MCM5: variants seen among roughly 807,000 people sequenced by gnomAD.
MCM5 encodes the protein minichromosome maintenance complex component 5.
In MCM5, 46 loss-of-function variants were observed where a neutral mutation model predicts 79.9. The ratio of observed to expected loss-of-function variants is 0.58; its 90% CI spans 0.45 to 0.74. The LOEUF (loss-of-function observed/expected upper bound fraction) is 0.74, where lower values mean the gene tolerates loss of function less well. MCM5 is among the 30% of genes least tolerant of loss of function. MCM5 has a pLI of 0.00. For missense variants in MCM5, 883 were observed against 1,017.0 expected, an observed-to-expected ratio of 0.87 and a Z score of 1.79; for synonymous variants, 404 against 390.5, an observed-to-expected ratio of 1.03 and a Z score of -0.41.
At chr22:35,438,347 C>CCATCCATT in the MCM5 span, among the ~76,000 whole-genome samples, 3 of 146,058 alleles carry the variant, frequency 2.1e-5, no homozygotes, top group Admixed American at 6.8e-5. Flanking sequence ...ATCCATCCAT[C>CCATCCATT]CACTCACCCA....
chr22:35,403,941 CAAAA>C (rs11453695), intron 4 of MCM5, among the ~76,000 whole-genome samples: 1 of 146,612 alleles, frequency 6.8e-6, no homozygotes. Context: ...AAAAACAAAA[CAAAA>C]AAAAAACAAA....
the MCM5 span, among the ~76,000 whole-genome samples, chr22:35,444,779 G>A: frequency 2.0e-5 from 3 of 152,192 alleles, no homozygotes; most frequent in East Asian, 1.9e-4. Context: ...TTTGGGAGGC[G>A]GAGGTGGGAG....
chr22:35,426,428 G>A (rs538458540), downstream of MCM5, among the ~76,000 whole-genome samples: 13 of 152,148 alleles, frequency 8.5e-5, no homozygotes, highest in South Asian at 4.2e-4. Flanking sequence ...TGGGGCAAGG[G>A]GGGGAGCTGG....
At chr22:35,429,666 G>C (rs1335736207), downstream of MCM5, among the ~76,000 whole-genome samples, 1 of 152,072 alleles carries the variant, frequency 6.6e-6, no homozygotes, top group African/African-American at 2.4e-5. Context: ...CTCCCGAGTA[G>C]CTGGGACTAC....
chr22:35,406,300 C>CCCA (rs1176469360), intron 4 of MCM5, among the ~76,000 whole-genome samples: 3 of 137,782 alleles, frequency 2.2e-5, no homozygotes, highest in Non-Finnish European at 3.2e-5. Context: ...CCTGCCACCT[C>CCCA]CCCCCCCAAT....
At chr22:35,403,676 G>A (rs756652208) in intron 4 of MCM5, 134 bp downstream of exon 4, 67 of 1,146,012 alleles carry the variant, frequency 5.8e-5, no homozygotes, top group South Asian at 2.5e-4. Flanking sequence ...CAAAAGGATC[G>A]TTTGTTGTTT....
chr22:35,430,735 C>T, the MCM5 span, among the ~76,000 whole-genome samples: 1 of 151,616 alleles, frequency 6.6e-6, no homozygotes, highest in South Asian at 2.1e-4. Flanking sequence ...TGGTCTGGAA[C>T]TCCTGACCTC....
At chr22:35,408,339 G>T in intron 5 of MCM5, 69 bp from the exon 6 acceptor site, 2 of 1,482,500 alleles carry the variant, frequency 1.3e-6, no homozygotes, top group South Asian at 1.2e-5. Context: ...GCTGGCTCCT[G>T]GGATGAATGA....
Position 35,410,972 on chromosome 22 carries a change from T to G in MCM5, c.919+62T>G, listed in dbSNP as rs1378575321. The G allele has an allele frequency of 2.2e-5, 33 of 1,480,080 alleles. No individual in the cohort carries two copies. The East Asian group carries it at 7.3e-4, about 33-fold the overall frequency. 91.7% of individuals were successfully genotyped at this position (1,480,080 alleles called of 1,614,324 possible). A position where few individuals can be genotyped will look rare whatever the true frequency, so the allele number is the denominator to read the frequency against. ...AAAGGCTGTGCTTGCATACTTCTGG[T>G]AACAGGCAGCTCGTTACTTCATGAG... On this transcript the variant is annotated intron_variant, in intron 7 of 16. Coordinates refer to ENST00000216122, the MANE Select transcript of MCM5 (RefSeq NM_006739.4).
At chr22:35,409,409 A>T (rs1932310808) in intron 6 of MCM5, 1 of 147,328 alleles carries the variant, frequency 6.8e-6, no homozygotes, top group African/African-American at 2.5e-5. Flanking sequence ...CCCTGTATCT[A>T]AAAAAAAAAA....
intron 16 of MCM5, chr22:35,423,623 C>T (rs1468602506): frequency 7.3e-6 from 2 of 272,860 alleles, no homozygotes; most frequent in South Asian, 1.1e-4. Flanking sequence ...CGCAGCCCTT[C>T]CCGTCTGTGC....
the MCM5 span, among the ~76,000 whole-genome samples, chr22:35,438,816 C>CATCCATCCATCCATCT: frequency 6.4e-5 from 2 of 31,394 alleles, no homozygotes; most frequent in African/African-American, 2.9e-4. Context: ...TCCATCCATC[C>CATCCATCCATCCATCT]GTCCATCCAC....
At chr22:35,431,575 G>A in the MCM5 span, among the ~76,000 whole-genome samples, 9 of 152,062 alleles carry the variant, frequency 5.9e-5, no homozygotes, top group Admixed American at 1.3e-4. Flanking sequence ...ATAGTTTCTC[G>A]GGTCTTGTCT....
the MCM5 span, among the ~76,000 whole-genome samples, chr22:35,440,255 C>T: frequency 6.6e-6 from 1 of 152,216 alleles, no homozygotes; most frequent in African/African-American, 2.4e-5. Context: ...AGAAAGAAGC[C>T]TGCGTCAGAT....
intron 6 of MCM5, 153 bp from the exon 7 acceptor site, chr22:35,410,590 TG>T (rs1932350170): frequency 8.2e-6 from 6 of 728,386 alleles, no homozygotes; most frequent in Non-Finnish European, 1.5e-5. Flanking sequence ...GGCCGTTCTC[TG>T]GGCTCCGTGG....
At chr22:35,453,524 C>CAGAGAT in the MCM5 span, among the ~76,000 whole-genome samples, 1 of 150,362 alleles carries the variant, frequency 6.7e-6, no homozygotes, top group African/African-American at 2.5e-5. Flanking sequence ...GCATCAGAGA[C>CAGAGAT]AGAAAGGGGC....
chr22:35,406,010 CAA>C (rs770329462), intron 4 of MCM5, among the ~76,000 whole-genome samples: 10 of 124,756 alleles, frequency 8.0e-5, no homozygotes, highest in Non-Finnish European at 6.8e-5. Flanking sequence ...GACTCTGTCT[CAA>C]AAAAAAAAAA....
At chr22:35,439,566 G>A in the MCM5 span, among the ~76,000 whole-genome samples, 1 of 152,136 alleles carries the variant, frequency 6.6e-6, no homozygotes, top group African/African-American at 2.4e-5. Context: ...AACACAATGT[G>A]TAGCAGGGAC....
the MCM5 span, among the ~76,000 whole-genome samples, chr22:35,437,761 TGA>T: frequency 6.6e-6 from 1 of 152,176 alleles, no homozygotes; most frequent in Admixed American, 6.5e-5. Flanking sequence ...TGACCAATTG[TGA>T]GAGTCACCTG....
Sources: allele counts gnomAD v4.1 joint callset (sites outside exome capture counted in the v4.1 genomes callset), GRCh38; gene constraint gnomAD v4.1.1; transcripts MANE v1.5; gene names NCBI Gene and HGNC (gene_info 2026-07-23, HGNC 2026-07-21).